The following ARHGAP28 variants were observed in gnomAD, a reference collection of about 807,000 sequenced individuals.
ARHGAP28 encodes the protein rho GTPase-activating protein 28.
A neutral mutation model predicts 90.7 loss-of-function variants in ARHGAP28; 56 were observed. The ratio of observed to expected loss-of-function variants is 0.62; its 90% CI spans 0.50 to 0.77. ARHGAP28 has a LOEUF of 0.77. Ranked by LOEUF, ARHGAP28 falls within the 30% of genes least tolerant of loss-of-function variation. The pLI is 0.00. For synonymous variants in ARHGAP28, 308 were observed against 323.3 expected (o/e 0.95, Z 0.51); for missense variants, 869 against 900.9 (o/e 0.96, Z 0.45).
In ARHGAP28 at chr18:6,911,642, T is replaced by G. The variant is rs866028989; in HGVS notation, c.2096-418T>G. 3.3e-5 allele frequency among the ~76,000 whole-genome samples: 5 copies of G among 151,802 alleles called. No homozygotes were observed. In the South Asian group the frequency reaches 6.3e-4, roughly 19 times the overall value. On this transcript the variant is annotated intron_variant, in intron 17 of 17. Transcript: ENST00000383472. Reference sequence around the variant, plus strand: ...GTAGACATGGGGTTTCACCATGTTGTCCAGGCTGGTCTCAAACTCCTAACC... The same window carrying G: ...GTAGACATGGGGTTTCACCATGTTGGCCAGGCTGGTCTCAAACTCCTAACC...
chr18:6,730,509 G>T (rs1438061409), intron 1 of ARHGAP28, among the ~76,000 whole-genome samples: 1 of 152,060 alleles, frequency 6.6e-6, no homozygotes, highest in Non-Finnish European at 1.5e-5. Flanking sequence ...GTCATTATTT[G>T]ATTACTGCTA....
intron 2 of ARHGAP28, among the ~76,000 whole-genome samples, chr18:6,834,895 G>A (rs1013051333): frequency 3.3e-5 from 5 of 152,196 alleles, no homozygotes; most frequent in African/African-American, 9.7e-5. Flanking sequence ...TCCTGAAAGA[G>A]GCCTAGAATT....
At chr18:6,872,388 T>G (rs1285126675) in intron 7 of ARHGAP28, among the ~76,000 whole-genome samples, 1 of 152,236 alleles carries the variant, frequency 6.6e-6, no homozygotes, top group Non-Finnish European at 1.5e-5. Context: ...TCCTATATTT[T>G]GTTTCATTTT....
At chr18:6,909,796 A>G (rs1276320318) in intron 17 of ARHGAP28, among the ~76,000 whole-genome samples, 2 of 152,028 alleles carry the variant, frequency 1.3e-5, no homozygotes, top group East Asian at 1.9e-4. Context: ...TGGTCTGTGA[A>G]TATCCTCACA....
intron 3 of ARHGAP28, among the ~76,000 whole-genome samples, chr18:6,839,406 C>G (rs78980865): frequency 0.05 from 7,648 of 151,928 alleles, 274 homozygotes; most frequent in Non-Finnish European, 0.072. Context: ...CCATTCTCCC[C>G]CCTCAGCCTC....
intron 6 of ARHGAP28, 73 bp downstream of exon 6, chr18:6,868,307 A>G: frequency 7.4e-7 from 1 of 1,360,316 alleles, no homozygotes; most frequent in South Asian, 1.2e-5. Context: ...TACAGTTAGC[A>G]GTGAATTTCT....
intron 3 of ARHGAP28, among the ~76,000 whole-genome samples, chr18:6,848,886 C>T (rs944687290): frequency 6.6e-6 from 1 of 152,076 alleles, no homozygotes; most frequent in East Asian, 1.9e-4. Context: ...TCCCCATGGG[C>T]AAAATATTCT....
At chr18:6,900,114 G>T (rs78564534) in intron 16 of ARHGAP28, among the ~76,000 whole-genome samples, 2 of 152,094 alleles carry the variant, frequency 1.3e-5, no homozygotes, top group African/African-American at 4.8e-5. Context: ...GAGCCAGTTG[G>T]TGTCCTGCTT....
chr18:6,779,499 C>G (rs2056308312), intron 1 of ARHGAP28, among the ~76,000 whole-genome samples: 2 of 152,174 alleles, frequency 1.3e-5, no homozygotes, highest in South Asian at 4.1e-4. Flanking sequence ...AGCATGAACA[C>G]TGTGTTTATA....
At chr18:6,858,388 C>G (rs1456768613) in intron 4 of ARHGAP28, among the ~76,000 whole-genome samples, 3 of 152,100 alleles carry the variant, frequency 2.0e-5, no homozygotes, top group Non-Finnish European at 4.4e-5. Context: ...TTGCTTTACA[C>G]CTACAAATTT....
intron 3 of ARHGAP28, 152 bp downstream of exon 3, chr18:6,837,566 ATTT>A: frequency 3.2e-6 from 2 of 628,922 alleles, no homozygotes; most frequent in Non-Finnish European, 5.5e-6. Context: ...CACAGTGCAA[ATTT>A]TTACAAGTTT....
intron 1 of ARHGAP28, among the ~76,000 whole-genome samples, chr18:6,792,839 T>A (rs915818347): frequency 2.6e-5 from 4 of 152,220 alleles, no homozygotes; most frequent in African/African-American, 9.6e-5. Flanking sequence ...GGTTAACTCA[T>A]TAGACATATG....
At chr18:6,772,051 A>T (rs2056247062) in intron 1 of ARHGAP28, among the ~76,000 whole-genome samples, 1 of 152,108 alleles carries the variant, frequency 6.6e-6, no homozygotes, top group Non-Finnish European at 1.5e-5. Context: ...AATCCATAAA[A>T]CCCCACAAAA....
intron 12 of ARHGAP28, among the ~76,000 whole-genome samples, chr18:6,889,261 A>G (rs2057245594): frequency 6.6e-6 from 1 of 152,086 alleles, no homozygotes; most frequent in Admixed American, 6.6e-5. Flanking sequence ...AGCTTTCTCA[A>G]TTCTTTATTT....
rs565254962 is a variant in ARHGAP28 at position 6,805,812 on chromosome 18, C to G, written c.123-18950C>G. Among the ~76,000 whole-genome samples, 192 of 152,016 alleles carry G rather than the reference C, an allele frequency of 1.3e-3. 2 individuals are homozygous for G. Among genetic ancestry groups the G allele is most frequent in the African/African-American group, 4.0e-3 (165 of 41,474 alleles). On this transcript the variant is annotated intron_variant, in intron 1 of 17. Coordinates refer to ENST00000383472, the MANE Select transcript of ARHGAP28 (RefSeq NM_001366230.1). ...CTTTTCTTTTTAATTGAGAGGTTTA[C>G]ACCATTTATACTTTAATGTAATTAT...
At chr18:6,886,829 T>C (rs1472657255) in intron 11 of ARHGAP28, among the ~76,000 whole-genome samples, 2 of 152,214 alleles carry the variant, frequency 1.3e-5, no homozygotes, top group Admixed American at 1.3e-4. Context: ...TCTCTTGTAT[T>C]GAGTGAGCTT....
At chr18:6,795,878 T>G (rs1352771806) in intron 1 of ARHGAP28, among the ~76,000 whole-genome samples, 2 of 152,206 alleles carry the variant, frequency 1.3e-5, no homozygotes, top group African/African-American at 2.4e-5. Context: ...GCCTGGGACA[T>G]CCCAAGGGAA....
At chr18:6,910,738 C>T (rs1177756820) in intron 17 of ARHGAP28, among the ~76,000 whole-genome samples, 1 of 152,118 alleles carries the variant, frequency 6.6e-6, no homozygotes, top group East Asian at 1.9e-4. Context: ...GTAAACCCAG[C>T]CCCTAGAATA....
At chr18:6,870,442 G>C in intron 6 of ARHGAP28, 148 bp from the exon 7 acceptor site, 1 of 730,362 alleles carries the variant, frequency 1.4e-6, no homozygotes, top group Non-Finnish European at 2.2e-6. Context: ...TGAACTCCTC[G>C]GGGTGAGTCT....
Sources: allele counts gnomAD v4.1 joint callset (sites outside exome capture counted in the v4.1 genomes callset), GRCh38; gene constraint gnomAD v4.1.1; transcripts MANE v1.5; gene names NCBI Gene and HGNC (gene_info 2026-07-23, HGNC 2026-07-21).